The following ATG7 variants were observed in gnomAD, a reference collection of about 807,000 sequenced individuals.
The protein encoded by ATG7 is autophagy related 7.
In ATG7, 70 loss-of-function variants were observed where a neutral mutation model predicts 82.4. That is an observed-to-expected ratio of 0.85 (90% CI 0.70 to 1.04). The LOEUF (loss-of-function observed/expected upper bound fraction) is 1.04. Among genes scored for constraint, ATG7 ranks in the 50% least tolerant of loss-of-function variants. The pLI is 0.00. For synonymous variants in ATG7, 287 were observed against 313.0 expected (o/e 0.92, Z 0.88); for missense variants, 792 against 864.3 (o/e 0.92, Z 1.05).
chr3:11,472,559 G>T (rs1316498253), intron 20 of ATG7, among the ~76,000 whole-genome samples: 1 of 152,164 alleles, frequency 6.6e-6, no homozygotes, highest in African/African-American at 2.4e-5. Flanking sequence ...TGAAAAATTA[G>T]AAAACCGGTG....
downstream of ATG7, among the ~76,000 whole-genome samples, chr3:11,560,299 G>T (rs2072867098): frequency 1.3e-5 from 2 of 152,334 alleles, no homozygotes; most frequent in South Asian, 4.1e-4. Context: ...GAAAATATTT[G>T]TGAACTAAAC....
chr3:11,341,939 G>A (rs1953710681), intron 12 of ATG7, among the ~76,000 whole-genome samples, 196 bp from the exon 13 acceptor site: 1 of 152,074 alleles, frequency 6.6e-6, no homozygotes, highest in African/African-American at 2.4e-5. Flanking sequence ...TGGCCCCCTC[G>A]TTGCAGAGGA....
At position 11,306,930 on chromosome 3, in the gene ATG7, C is replaced by G; in HGVS notation, c.216-13C>G. 2 of 1,608,840 alleles carry G rather than the reference C, an allele frequency of 1.2e-6. No homozygotes were observed. Among genetic ancestry groups the G allele is most frequent in the Non-Finnish European group, 1.7e-6 (2 of 1,175,432 alleles). ...CAGCTGTGCCTGACTAACCGTGTTT[C>G]TCTTGTATCTAGGAGTGCTCCCACC... On this transcript the variant is annotated splice_polypyrimidine_tract_variant and intron_variant, in intron 5 of 20. Transcript: ENST00000693202.
intron 20 of ATG7, among the ~76,000 whole-genome samples, chr3:11,515,602 C>T (rs1457708176): frequency 1.3e-5 from 2 of 152,164 alleles, no homozygotes; most frequent in African/African-American, 4.8e-5. Flanking sequence ...GACATTGTCC[C>T]AGGGGTAATG....
chr3:11,520,059 C>G (rs964957120), intron 20 of ATG7, among the ~76,000 whole-genome samples: 10 of 152,104 alleles, frequency 6.6e-5, no homozygotes, highest in African/African-American at 2.4e-4. Flanking sequence ...CGTCCCATCC[C>G]CCAGATGGCA....
intron 20 of ATG7, among the ~76,000 whole-genome samples, chr3:11,428,303 G>C (rs1049086672): frequency 2.0e-5 from 3 of 152,226 alleles, no homozygotes; most frequent in East Asian, 1.9e-4. Context: ...TGGTGAAAGG[G>C]CTGCTGTTTG....
chr3:11,568,597 T>C, the ATG7 span: 2 of 1,565,120 alleles, frequency 1.3e-6, no homozygotes, highest in Non-Finnish European at 1.7e-6. The surrounding 1 kb of genome is among the most constrained non-coding windows in gnomAD (Gnocchi z 5.9). Context: ...AAATTATACA[T>C]TACTCACATT....
chr3:11,397,516 G>A (rs1401241984), intron 19 of ATG7, among the ~76,000 whole-genome samples: 2 of 151,960 alleles, frequency 1.3e-5, no homozygotes, highest in African/African-American at 4.8e-5. Flanking sequence ...GGAGTGCAGT[G>A]GTACGATCTT....
chr3:11,315,834 C>A (rs933357687), intron 9 of ATG7, among the ~76,000 whole-genome samples: 1 of 152,150 alleles, frequency 6.6e-6, no homozygotes, highest in Non-Finnish European at 1.5e-5. Context: ...TCAAGCGATT[C>A]TCCTGGTCAG....
At chr3:11,279,717 G>C (rs910610960) in intron 1 of ATG7, among the ~76,000 whole-genome samples, 5 of 151,794 alleles carry the variant, frequency 3.3e-5, no homozygotes, top group African/African-American at 1.2e-4. Flanking sequence ...AAAATAAAAA[G>C]CAAACAAACA....
At chr3:11,569,008 G>GC in the ATG7 span, 1 of 984,670 alleles carries the variant, frequency 1.0e-6, no homozygotes, top group Non-Finnish European at 1.2e-6. Context: ...CCAGGACAGA[G>GC]CTTTCTGAGT....
chr3:11,339,434 G>A (rs1206960053), intron 11 of ATG7, among the ~76,000 whole-genome samples: 2 of 152,302 alleles, frequency 1.3e-5, no homozygotes, highest in East Asian at 1.9e-4. Context: ...AAGGCAGACA[G>A]TGGAGGTGAT....
intron 19 of ATG7, among the ~76,000 whole-genome samples, chr3:11,406,335 G>A (rs2080334425): frequency 6.6e-6 from 1 of 151,594 alleles, no homozygotes; most frequent in Non-Finnish European, 1.5e-5. Flanking sequence ...ACAGTTTCTT[G>A]CCCCATCACC....
At chr3:11,321,399 A>G (rs557344106) in intron 9 of ATG7, among the ~76,000 whole-genome samples, 1 of 116,192 alleles carries the variant, frequency 8.6e-6, no homozygotes, top group Non-Finnish European at 1.7e-5. Flanking sequence ...AACAGCTGGG[A>G]CTGCCATGGT....
intron 18 of ATG7, among the ~76,000 whole-genome samples, chr3:11,371,985 A>G (rs908780812): frequency 6.6e-6 from 1 of 151,302 alleles, no homozygotes; most frequent in Non-Finnish European, 1.5e-5. Context: ...CCAAACAACC[A>G]TATAAAGCGA....
At chr3:11,289,179 G>A (rs1419447698) in intron 3 of ATG7, among the ~76,000 whole-genome samples, 5 of 152,186 alleles carry the variant, frequency 3.3e-5, no homozygotes, top group Non-Finnish European at 5.9e-5. Flanking sequence ...AGCAGAGGCC[G>A]AAGTTTCACT....
At chr3:11,472,745 T>A (rs1643392139) in intron 20 of ATG7, among the ~76,000 whole-genome samples, 1 of 152,212 alleles carries the variant, frequency 6.6e-6, no homozygotes, top group South Asian at 2.1e-4. Context: ...TTGAAAATGG[T>A]TCAACTGCTG....
intron 18 of ATG7, among the ~76,000 whole-genome samples, chr3:11,376,978 ATCCGCCC>A (rs1011225345): frequency 5.9e-5 from 9 of 152,140 alleles, no homozygotes; most frequent in Admixed American, 1.3e-4. Context: ...TGACCTCATC[ATCCGCCC>A]TCCTCGGCCT....
intron 20 of ATG7, among the ~76,000 whole-genome samples, chr3:11,450,151 A>C (rs1026665934): frequency 2.6e-5 from 4 of 151,468 alleles, no homozygotes; most frequent in African/African-American, 9.7e-5. Flanking sequence ...AAATCTTCAC[A>C]ATCACTTTAT....
Sources: allele counts gnomAD v4.1 joint callset (sites outside exome capture counted in the v4.1 genomes callset), GRCh38; gene constraint gnomAD v4.1.1; non-coding constraint Gnocchi (gnomAD v3.1); transcripts MANE v1.5; gene names NCBI Gene and HGNC (gene_info 2026-07-23, HGNC 2026-07-21).